TMCC1: variants seen among roughly 807,000 people sequenced by gnomAD.
The protein encoded by TMCC1 is transmembrane and coiled-coil domain family 1, also known as transmembrane and coiled-coil domains protein 1.
Under a neutral mutation model 52.4 loss-of-function variants are expected in TMCC1, and 15 were observed. The observed-to-expected ratio is 0.29, with a 90% CI of 0.19 to 0.44. The LOEUF is 0.44. Ranked by LOEUF, TMCC1 falls within the 20% of genes least tolerant of loss-of-function variation. TMCC1 has a pLI of 1.00. For missense variants in TMCC1, 503 were observed against 806.0 expected, an observed-to-expected ratio of 0.62 and a Z score of 4.55; for synonymous variants, 279 against 301.9, an observed-to-expected ratio of 0.92 and a Z score of 0.79.
intron 2 of TMCC1, among the ~76,000 whole-genome samples, chr3:129,850,205 A>T (rs901223738): frequency 6.6e-6 from 1 of 152,230 alleles, no homozygotes; most frequent in Non-Finnish European, 1.5e-5. Flanking sequence ...CAATTCAACT[A>T]AACAAATGTT....
chr3:129,803,636 C>A (rs943487758), intron 4 of TMCC1, among the ~76,000 whole-genome samples: 1 of 152,162 alleles, frequency 6.6e-6, no homozygotes, highest in Non-Finnish European at 1.5e-5. Context: ...TGGAATTCAA[C>A]AGATGACTTT....
intron 4 of TMCC1, among the ~76,000 whole-genome samples, chr3:129,803,830 ATAAT>A (rs2057321606): frequency 6.6e-6 from 1 of 152,166 alleles, no homozygotes; most frequent in Non-Finnish European, 1.5e-5. Context: ...ATTAAAAAAA[ATAAT>A]TATTTTAAAA....
chr3:129,827,576 G>A (rs2058711156), intron 4 of TMCC1, among the ~76,000 whole-genome samples: 1 of 151,916 alleles, frequency 6.6e-6, no homozygotes, highest in South Asian at 2.1e-4. Flanking sequence ...TTAACGAAAG[G>A]ATAAAATAAA....
chr3:129,803,978 T>C (rs1342592819), intron 4 of TMCC1, among the ~76,000 whole-genome samples: 1 of 152,200 alleles, frequency 6.6e-6, no homozygotes, highest in Non-Finnish European at 1.5e-5. Flanking sequence ...TCTCAGGTGG[T>C]ATTCCTTGCA....
At chr3:129,662,495 CAGGCTTGGTAGTGCATGCCTG>C (rs2087116310) in intron 5 of TMCC1, among the ~76,000 whole-genome samples, 1 of 152,072 alleles carries the variant, frequency 6.6e-6, no homozygotes, top group African/African-American at 2.4e-5. Context: ...TATGGCATTA[CAGGCTTGGTAGTGCATGCCTG>C]TAATCCCAGC....
At chr3:129,694,874 C>T (rs575298272) in intron 4 of TMCC1, among the ~76,000 whole-genome samples, 1 of 151,854 alleles carries the variant, frequency 6.6e-6, no homozygotes, top group African/African-American at 2.4e-5. Context: ...TATGGACTCG[C>T]CCTGAATTAT....
At chr3:129,847,091 T>C (rs892739946) in intron 2 of TMCC1, 1 of 152,224 alleles carries the variant, frequency 6.6e-6, no homozygotes, top group South Asian at 2.1e-4. Flanking sequence ...CTATGTTTAC[T>C]GTAATCAGAT....
At chr3:129,788,087 G>C (rs1408594718) in intron 4 of TMCC1, among the ~76,000 whole-genome samples, 1 of 152,060 alleles carries the variant, frequency 6.6e-6, no homozygotes, top group African/African-American at 2.4e-5. Flanking sequence ...AAAAGGAAGG[G>C]GAAGAGTATA....
chr3:129,749,507 A>C (rs560586439), intron 4 of TMCC1, among the ~76,000 whole-genome samples: 39 of 152,296 alleles, frequency 2.6e-4, no homozygotes, highest in African/African-American at 8.4e-4. Context: ...AAAAGAAAAA[A>C]AAATCCAGCT....
chr3:129,681,608 T>C (rs867627907), intron 4 of TMCC1, among the ~76,000 whole-genome samples: 5 of 151,758 alleles, frequency 3.3e-5, no homozygotes, highest in African/African-American at 4.8e-5. Flanking sequence ...ACAGTGCCAA[T>C]AGAAATGAGG....
intron 2 of TMCC1, among the ~76,000 whole-genome samples, chr3:129,836,851 A>T (rs1187831943): frequency 2.0e-5 from 3 of 152,204 alleles, no homozygotes; most frequent in Non-Finnish European, 4.4e-5. Flanking sequence ...AGGCTCTCTA[A>T]TGCAGGGGGA....
intron 4 of TMCC1, among the ~76,000 whole-genome samples, chr3:129,706,322 C>T (rs181794809): frequency 7.9e-5 from 12 of 152,070 alleles, no homozygotes; most frequent in Admixed American, 7.9e-4. Flanking sequence ...TCGCCTGCCT[C>T]AGCCTCCTGA....
intron 4 of TMCC1, among the ~76,000 whole-genome samples, chr3:129,823,434 T>C (rs1042594949): frequency 1.7e-4 from 26 of 152,190 alleles, no homozygotes; most frequent in African/African-American, 6.3e-4. Context: ...TAACGCATAA[T>C]GTATATTAAT....
chr3:129,778,034 A>G (rs2055184837), intron 4 of TMCC1, among the ~76,000 whole-genome samples: 1 of 152,096 alleles, frequency 6.6e-6, no homozygotes, highest in Non-Finnish European at 1.5e-5. Flanking sequence ...GGCTCCAGTG[A>G]TATCTTCCGG....
intron 4 of TMCC1, among the ~76,000 whole-genome samples, chr3:129,808,931 A>C (rs1054531509): frequency 4.6e-5 from 7 of 151,180 alleles, no homozygotes; most frequent in Admixed American, 1.3e-4. Context: ...GAAAAAAAAA[A>C]AAAAAAACAA....
At chr3:129,797,734 C>A (rs1156506303) in intron 4 of TMCC1, among the ~76,000 whole-genome samples, 1 of 152,086 alleles carries the variant, frequency 6.6e-6, no homozygotes, top group Admixed American at 6.6e-5. Context: ...GACAGAGAGA[C>A]CCTGTCTCAA....
At chr3:129,872,941 G>A (rs1346086550) in intron 2 of TMCC1, among the ~76,000 whole-genome samples, 56 of 145,226 alleles carry the variant, frequency 3.9e-4, no homozygotes, top group African/African-American at 1.4e-3. Flanking sequence ...TTTGAGATCC[G>A]GAGTCTTGCT....
chr3:129,833,734 CA>C (rs903612655), intron 2 of TMCC1, among the ~76,000 whole-genome samples: 23 of 149,970 alleles, frequency 1.5e-4, no homozygotes, highest in Non-Finnish European at 2.5e-4. Context: ...ATGTCTCTAC[CA>C]AAAAAAAATG....
chr3:129,892,412 A>T (rs752750021), intron 1 of TMCC1, among the ~76,000 whole-genome samples: 1 of 152,120 alleles, frequency 6.6e-6, no homozygotes, highest in African/African-American at 2.4e-5. Flanking sequence ...ACTACCACCT[A>T]CTCACAATTT....
Sources: gnomAD v4.1 joint callset for allele counts (sites outside exome capture counted in the v4.1 genomes callset) on GRCh38, gnomAD v4.1.1 for gene constraint, MANE v1.5 for transcripts, NCBI Gene and HGNC (gene_info 2026-07-23, HGNC 2026-07-21) for gene names.